The following PSG1 variants were observed in gnomAD, a reference collection of about 807,000 sequenced individuals.
PSG1 encodes the protein pregnancy specific beta-1-glycoprotein 1.
PSG1 carries 60 observed loss-of-function variants against 41.4 expected under a neutral mutation model. The ratio of observed to expected loss-of-function variants is 1.45; its 90% confidence interval spans 1.18 to 1.80. The LOEUF is 1.80. Among genes scored for constraint, PSG1 ranks in the 40% most tolerant of loss-of-function variants. The pLI is 0.00. For missense variants in PSG1, 806 were observed against 516.9 expected (o/e 1.56, Z -5.42); for synonymous variants, 256 against 192.9 (o/e 1.33, Z -2.71).
In PSG1 at chr19:42,876,585, G is replaced by C. The variant is rs140907037; in HGVS notation, c.430+1328C>G. ...GTGTGTCTCTCTCGCTGGGCCTGTG[G>C]TGGTGTAGAGTGTGAGTGGGGAAAG... On this transcript the variant is annotated intron_variant, in intron 2 of 5. Coordinates refer to ENST00000436291, the MANE Select transcript of PSG1 (RefSeq NM_001184825.2). Among the ~76,000 whole-genome samples the C allele has an allele frequency of 3.0e-3, 456 of 151,562 alleles. 24 individuals are homozygous for C. The South Asian group carries it at 0.058, about 19-fold the overall frequency.
At chr19:42,872,074 G>A (rs2074847) in intron 2 of PSG1, 29 bp from the exon 3 acceptor site, 16 of 1,595,200 alleles carry the variant, frequency 1.0e-5, no homozygotes, top group Admixed American at 3.5e-5. Context: ...GAAGATTGCC[G>A]TGTGTGGCGC....
chr19:42,867,762 A>G (rs1773223707), intron 5 of PSG1: 1 of 948,418 alleles, frequency 1.1e-6, no homozygotes, highest in Non-Finnish European at 1.7e-6. Context: ...ATAGATTAAA[A>G]GAGAAAAATT....
chr19:42,877,961 C>A lies in PSG1; in HGVS notation c.382G>T (p.Asp128Tyr), dbSNP rs755013826. 3.1e-6 allele frequency: 5 copies of A among 1,612,358 alleles called. No individual in the cohort carries two copies. Among genetic ancestry groups the A allele is most frequent in the Non-Finnish European group, 4.2e-6 (5 of 1,179,166 alleles). Residue 128 changes from aspartate to tyrosine, a missense_variant, in exon 2 of 6, where the codon GAT (aspartate) becomes TAT (tyrosine). Physicochemically the swap from Asp to Tyr is radical, Grantham distance 160. Coordinates refer to ENST00000436291, the MANE Select transcript of PSG1 (RefSeq NM_001184825.2). ...GSYTLHIIKG[D>Y]DGTRGVTGRF... ...CCAGTTACTCCTCTAGTCCCATCAT[C>A]TCCCTTTATGATGTGTAAGGTGTAG...
At chr19:42,871,661 G>T in intron 3 of PSG1, 106 bp downstream of exon 3, 3 of 1,610,402 alleles carry the variant, frequency 1.9e-6, no homozygotes, top group Non-Finnish European at 2.5e-6. Context: ...TGATGTCCAG[G>T]GGTAAAGGTC....
chr19:42,869,372 C>G lies in PSG1; in HGVS notation c.710-338G>C, dbSNP rs558717573. 1.2e-5 allele frequency: 5 copies of G among 409,302 alleles called. No individual in the cohort carries two copies. The East Asian group carries it at 2.2e-4, about 18-fold the overall frequency. The allele number at this position is 409,302 out of a possible 1,614,324, so 25.4% of individuals were successfully genotyped here. A position where few individuals can be genotyped will look rare whatever the true frequency, so the allele number is the denominator to read the frequency against. On this transcript the variant is annotated intron_variant, in intron 3 of 5. Transcript: ENST00000436291. ...TGGCTGGCTCACCTTGGGTTCCTTA[C>G]CTGGAATATGCAACTGCTGGGCCCC...
In PSG1 at chr19:42,878,247, G is replaced by A. The variant is rs752409506; in HGVS notation, c.96C>T (p.Thr32=). The A allele has an allele frequency of 6.2e-7, 1 of 1,610,096 alleles. No individual in the cohort carries two copies. The highest frequency in any genetic ancestry group is 8.5e-7 in the Non-Finnish European group (1 of 1,178,330). The stretch of plus-strand genomic sequence containing the variant: ...CGGCTTCAATCGTGACTTGGGCAGT[G>A]GTGGGCAGGTTCCAGAAGTTTAAAA... ...ASLLNFWNLP[T]TAQVTIEAEP... Residue 32 remains threonine (T), a synonymous_variant, in exon 2 of 6, where the codon ACC becomes ACT. Coordinates refer to ENST00000436291, the MANE Select transcript of PSG1 (RefSeq NM_001184825.2).
Position 42,879,464 on chromosome 19 carries a change from A to G in PSG1, c.64+54T>C, listed in dbSNP as rs1034901891. 1.9e-5 allele frequency: 30 copies of G among 1,598,102 alleles called. No individual in the cohort carries two copies. The African/African-American group carries it at 3.9e-4, about 21-fold the overall frequency. Reference sequence around the variant, plus strand: ...AACCCCATCCTCTCCAGGAGACCCCATCCAGTCACTCTGCTTCCTCCTCCT... The same window carrying G: ...AACCCCATCCTCTCCAGGAGACCCCGTCCAGTCACTCTGCTTCCTCCTCCT... On this transcript the variant is annotated intron_variant, in intron 1 of 5. Coordinates refer to ENST00000436291, the MANE Select transcript of PSG1 (RefSeq NM_001184825.2).
At position 42,866,989 on chromosome 19, in the gene PSG1, A is replaced by T; in HGVS notation, c.*145T>A. 1.3e-6 allele frequency: 1 copy of T among 763,362 alleles called. No individual in the cohort carries two copies. The highest frequency in any genetic ancestry group is 2.4e-6 in the Non-Finnish European group (1 of 416,854). The allele number at this position is 763,362 out of a possible 1,614,324, so 47.3% of individuals were successfully genotyped here. A position where few individuals can be genotyped will look rare whatever the true frequency, so the allele number is the denominator to read the frequency against. ...GTGTCGAATATTTTGGTGAGTTCTG[A>T]GTGGCTCATGCTTCACGTACAAGGG... On this transcript the variant is annotated 3_prime_UTR_variant, in exon 6 of 6. Transcript: ENST00000436291.
At chr19:42,872,191 T>C in intron 2 of PSG1, 146 bp from the exon 3 acceptor site, 2 of 1,227,450 alleles carry the variant, frequency 1.6e-6, no homozygotes, top group South Asian at 3.1e-5. Flanking sequence ...ACAAGACAGA[T>C]GCATGGCAAT....
In PSG1 at chr19:42,878,143, C is replaced by G. The variant is rs777467080; in HGVS notation, c.200G>C (p.Trp67Ser). Residue 67 changes from tryptophan to serine, a missense_variant, in exon 2 of 6, where the codon TGG (tryptophan) becomes TCG (serine). Coordinates refer to ENST00000436291, the MANE Select transcript of PSG1 (RefSeq NM_001184825.2). Reference protein sequence around the residue: ...NLPQNLTGYIWYKGQMRDLYH... With the variant: ...NLPQNLTGYISYKGQMRDLYH... ...GAGGTCCCTCATTTGCCCTTTGTAC[C>G]AGATGTAGCCGGTAAGATTCTGGGG... The G allele has an allele frequency of 4.3e-6, 7 of 1,612,120 alleles. 1 individual carries two copies. The highest frequency in any genetic ancestry group is 5.9e-6 in the Non-Finnish European group (7 of 1,179,178).
intron 1 of PSG1, 21 bp downstream of exon 1, chr19:42,879,497 C>T (rs1971774448): frequency 1.2e-6 from 2 of 1,607,808 alleles, no homozygotes; most frequent in South Asian, 1.1e-5. Flanking sequence ...CCTGTCCTCT[C>T]CCAGGAAGTT....
In PSG1 at chr19:42,874,917, C is replaced by A. The variant is rs564248401; in HGVS notation, c.431-2872G>T. ...TGAGTTTGTTCAGCTTTTTACTTAG[C>A]GTTAGAAACCAGTGACAAATTTCAA... On this transcript the variant is annotated intron_variant, in intron 2 of 5. Coordinates refer to ENST00000436291, the MANE Select transcript of PSG1 (RefSeq NM_001184825.2). Among the ~76,000 whole-genome samples the A allele has an allele frequency of 6.0e-4, 91 of 151,154 alleles. 2 individuals carry two copies. The South Asian group carries it at 0.01, about 17-fold the overall frequency.
At chr19:42,869,060 G>A in intron 3 of PSG1, 26 bp from the exon 4 acceptor site, 1 of 1,598,446 alleles carries the variant, frequency 6.3e-7, no homozygotes, top group South Asian at 1.1e-5. Flanking sequence ...AGAGAAGATT[G>A]TCCTGTGTGG....
chr19:42,871,844 G>A lies in PSG1; in HGVS notation c.632C>T (p.Thr211Ile), dbSNP rs537232222. Residue 211 changes from threonine to isoleucine, a missense_variant, in exon 3 of 6, where the codon ACT becomes ATT. By Grantham distance (89) the Thr-to-Ile change is moderately conservative (BLOSUM62 -1). Coordinates refer to ENST00000436291, the MANE Select transcript of PSG1 (RefSeq NM_001184825.2). ...TATTTCACATTCATAGGGTCCTGCA[G>A]TATACTTTGTGACACCCAATAGAAA... ...TLFLLGVTKY[T>I]AGPYECEIRN... is the part of the protein sequence containing the mutation. The A allele has an allele frequency of 1.2e-5, 20 of 1,612,632 alleles. No homozygotes were observed. The highest frequency in any genetic ancestry group is 5.3e-5 in the African/African-American group (4 of 74,804).
At chr19:42,871,587 T>C (rs901385106) in intron 3 of PSG1, among the ~76,000 whole-genome samples, 180 bp downstream of exon 3, 8 of 151,582 alleles carry the variant, frequency 5.3e-5, no homozygotes, top group Non-Finnish European at 8.8e-5. Context: ...GCCTCTTTTC[T>C]CCTATTGTTG....
At chr19:42,872,980 T>A (rs1971457788) in intron 2 of PSG1, among the ~76,000 whole-genome samples, 1 of 151,698 alleles carries the variant, frequency 6.6e-6, no homozygotes, top group Non-Finnish European at 1.5e-5. Context: ...CTTTCTCTCA[T>A]TAGACATTCT....
chr19:42,876,419 G>T (rs1485415436), intron 2 of PSG1, among the ~76,000 whole-genome samples: 4 of 151,410 alleles, frequency 2.6e-5, no homozygotes, highest in East Asian at 3.9e-4. Context: ...ATGAAACATG[G>T]ATGTCAGCCT....
chr19:42,877,787 C>T, intron 2 of PSG1, 126 bp downstream of exon 2: 3 of 1,575,438 alleles, frequency 1.9e-6, no homozygotes, highest in Non-Finnish European at 2.6e-6. Flanking sequence ...ACTAAATGCC[C>T]AAATCCCAGC....
chr19:42,879,484 C>G lies in PSG1; in HGVS notation c.64+34G>C, dbSNP rs753609725. ...ACCCCATCCAGTCACTCTGCTTCCT[C>G]CTCCTGTCCTCTCCCAGGAAGTTCT... On this transcript the variant is annotated intron_variant, in intron 1 of 5. Coordinates refer to ENST00000436291, the MANE Select transcript of PSG1 (RefSeq NM_001184825.2). The G allele has an allele frequency of 7.5e-6, 12 of 1,605,934 alleles. No homozygotes were observed. The South Asian group carries it at 1.3e-4, about 18-fold the overall frequency.
Sources: allele counts gnomAD v4.1 joint callset (sites outside exome capture counted in the v4.1 genomes callset), GRCh38; gene constraint gnomAD v4.1.1; transcripts MANE v1.5; gene names NCBI Gene and HGNC (gene_info 2026-07-23, HGNC 2026-07-21).